DPP10: variants seen among roughly 807,000 people sequenced by gnomAD.
DPP10 encodes the protein dipeptidyl peptidase like 10, also known as inactive dipeptidyl peptidase 10.
In DPP10, 33 loss-of-function variants were observed where a neutral mutation model predicts 120.9. The ratio of observed to expected loss-of-function variants is 0.27; its 90% CI spans 0.21 to 0.37. The LOEUF (loss-of-function observed/expected upper bound fraction) is 0.37. Ranked by LOEUF, DPP10 falls within the 10% of genes least tolerant of loss-of-function variation. DPP10 has a pLI of 1.00. For synonymous variants in DPP10, 337 were observed against 326.1 expected (o/e 1.03, Z -0.36); for missense variants, 816 against 942.8 (o/e 0.87, Z 1.76).
intron 1 of DPP10, among the ~76,000 whole-genome samples, chr2:114,668,010 T>G (rs538765493): frequency 6.6e-6 from 1 of 150,768 alleles, no homozygotes; most frequent in South Asian, 2.1e-4. Flanking sequence ...AAGAAAACAT[T>G]TTTTTTTTTG....
chr2:114,790,130 G>T (rs1683116030), intron 1 of DPP10, among the ~76,000 whole-genome samples: 1 of 152,192 alleles, frequency 6.6e-6, no homozygotes. Flanking sequence ...ATTACTGCAA[G>T]AAAAGGAAGA....
chr2:114,480,871 A>T (rs1402988182), intron 1 of DPP10, among the ~76,000 whole-genome samples: 1 of 151,214 alleles, frequency 6.6e-6, no homozygotes, highest in Non-Finnish European at 1.5e-5. Context: ...AATAATAAAA[A>T]GTACACCCCC....
intron 1 of DPP10, among the ~76,000 whole-genome samples, chr2:114,677,313 A>T (rs1698736146): frequency 6.6e-6 from 1 of 152,118 alleles, no homozygotes; most frequent in South Asian, 2.1e-4. Context: ...ACCTCCACCC[A>T]TACTCAAGTT....
At chr2:115,757,893 A>T (rs997775792) in intron 11 of DPP10, among the ~76,000 whole-genome samples, 2 of 152,146 alleles carry the variant, frequency 1.3e-5, no homozygotes, top group African/African-American at 4.8e-5. Context: ...AACAAGAAAC[A>T]TCCCCAATCT....
At chr2:115,054,737 C>T (rs1705769003) in intron 1 of DPP10, among the ~76,000 whole-genome samples, 2 of 152,186 alleles carry the variant, frequency 1.3e-5, no homozygotes, top group Admixed American at 1.3e-4. Context: ...ATGCTGAAAC[C>T]CAGTCTCTAC....
intron 1 of DPP10, among the ~76,000 whole-genome samples, chr2:114,765,693 T>C (rs959237014): frequency 6.6e-6 from 1 of 152,196 alleles, no homozygotes; most frequent in Non-Finnish European, 1.5e-5. Flanking sequence ...AATAATAATA[T>C]AATATCGAAC....
intron 3 of DPP10, among the ~76,000 whole-genome samples, chr2:115,345,204 G>T (rs112927652): frequency 1.2e-4 from 18 of 152,158 alleles, no homozygotes; most frequent in African/African-American, 4.1e-4. Flanking sequence ...ATGATATTAC[G>T]GATAAAGAAC....
intron 1 of DPP10, among the ~76,000 whole-genome samples, chr2:114,725,453 C>G (rs13032093): frequency 0.08 from 12,172 of 152,232 alleles, 525 homozygotes; most frequent in South Asian, 0.1. Flanking sequence ...CCTTGGCTCC[C>G]TTAGATCCAT....
chr2:115,504,128 A>G (rs1156937615), intron 4 of DPP10, among the ~76,000 whole-genome samples: 19 of 152,030 alleles, frequency 1.2e-4, no homozygotes. Context: ...CATGAGTAGG[A>G]TCATTTGGCC....
At chr2:115,515,960 G>A (rs2077483986) in intron 4 of DPP10, among the ~76,000 whole-genome samples, 1 of 152,034 alleles carries the variant, frequency 6.6e-6, no homozygotes, top group Non-Finnish European at 1.5e-5. Context: ...TTTGGACATT[G>A]AAAAACATGC....
chr2:115,086,630 G>A (rs1161603671), intron 1 of DPP10, among the ~76,000 whole-genome samples: 1 of 151,884 alleles, frequency 6.6e-6, no homozygotes. Context: ...CTAATTTTTT[G>A]TATTTTTAGT....
chr2:115,191,636 T>G (rs1254634614), intron 1 of DPP10, among the ~76,000 whole-genome samples: 1 of 152,196 alleles, frequency 6.6e-6, no homozygotes, highest in South Asian at 2.1e-4. Flanking sequence ...GGCCCATGAC[T>G]TGGGAGGGGG....
chr2:114,691,060 C>T (rs1012062543), intron 1 of DPP10, among the ~76,000 whole-genome samples: 1 of 151,880 alleles, frequency 6.6e-6, no homozygotes, highest in Non-Finnish European at 1.5e-5. Context: ...ACTGTTTATT[C>T]CTTTCTCTTG....
chr2:115,566,389 TG>T (rs2149071647), intron 5 of DPP10, among the ~76,000 whole-genome samples: 1 of 152,282 alleles, frequency 6.6e-6, no homozygotes, highest in African/African-American at 2.4e-5. Flanking sequence ...AATTAATTAC[TG>T]TAACAAAGCA....
intron 21 of DPP10, among the ~76,000 whole-genome samples, chr2:115,827,287 A>G (rs28817019): frequency 6.8e-6 from 1 of 147,648 alleles, no homozygotes; most frequent in South Asian, 2.1e-4. Context: ...ATACACATAC[A>G]TATATACACA....
At chr2:115,775,157 A>G (rs1259939560) in intron 13 of DPP10, among the ~76,000 whole-genome samples, 1 of 152,084 alleles carries the variant, frequency 6.6e-6, no homozygotes, top group Non-Finnish European at 1.5e-5. Context: ...CATATATGAA[A>G]TTATGTATAT....
intron 12 of DPP10, 122 bp downstream of exon 12, chr2:115,762,732 C>T: frequency 9.1e-7 from 1 of 1,104,504 alleles, no homozygotes; most frequent in Non-Finnish European, 1.3e-6. Context: ...ACAGAGTGAT[C>T]CTTTTTCATT....
intron 1 of DPP10, among the ~76,000 whole-genome samples, chr2:115,139,173 C>T (rs1193706312): frequency 6.6e-6 from 1 of 152,024 alleles, no homozygotes; most frequent in Non-Finnish European, 1.5e-5. Context: ...TAATAGGGAA[C>T]TTGGAAATAT....
chr2:115,416,017 T>A (rs939186594), intron 3 of DPP10, among the ~76,000 whole-genome samples: 1 of 151,806 alleles, frequency 6.6e-6, no homozygotes, highest in Non-Finnish European at 1.5e-5. Flanking sequence ...GTACACAAAT[T>A]TGAAAGCAAA....
Sources: gnomAD v4.1 joint callset for allele counts (sites outside exome capture counted in the v4.1 genomes callset) on GRCh38, gnomAD v4.1.1 for gene constraint, MANE v1.5 for transcripts, NCBI Gene and HGNC (gene_info 2026-07-23, HGNC 2026-07-21) for gene names.